The following MAP7 variants were observed in gnomAD, a reference collection of about 807,000 sequenced individuals.
MAP7 encodes microtubule associated protein 7, also known as ensconsin.
MAP7 carries 52 observed loss-of-function variants against 94.8 expected under a neutral mutation model. The observed-to-expected ratio is 0.55, with a 90% CI of 0.44 to 0.69. MAP7 has a LOEUF of 0.69. MAP7 is among the 30% of genes least tolerant of loss of function. MAP7 has a pLI of 0.00. For synonymous variants in MAP7, 350 were observed against 357.0 expected (o/e 0.98, Z 0.22); for missense variants, 940 against 964.6 (o/e 0.97, Z 0.34).
intron 1 of MAP7, among the ~76,000 whole-genome samples, chr6:136,497,265 A>C (rs1583068749): frequency 6.6e-6 from 1 of 152,102 alleles, no homozygotes; most frequent in African/African-American, 2.4e-5. Flanking sequence ...TACAAGATGA[A>C]AAGCTACAGG....
At chr6:136,542,962 T>C (rs1829447786) in intron 1 of MAP7, among the ~76,000 whole-genome samples, 1 of 152,164 alleles carries the variant, frequency 6.6e-6, no homozygotes, top group South Asian at 2.1e-4. Context: ...CTAACGATAC[T>C]AAGTATTAGT....
chr6:136,517,286 A>G (rs1436490154), intron 1 of MAP7, among the ~76,000 whole-genome samples: 2 of 152,196 alleles, frequency 1.3e-5, no homozygotes, highest in Non-Finnish European at 2.9e-5. Context: ...CTAAAACAAC[A>G]CAAGAAAGAA....
intron 1 of MAP7, among the ~76,000 whole-genome samples, chr6:136,422,265 C>A: frequency 6.6e-6 from 1 of 152,140 alleles, no homozygotes; most frequent in East Asian, 1.9e-4. Context: ...AAACATCAAC[C>A]CTAACTGAAT....
At chr6:136,372,757 A>G in intron 7 of MAP7, 132 bp from the exon 8 acceptor site, 5 of 1,125,878 alleles carry the variant, frequency 4.4e-6, no homozygotes, top group Non-Finnish European at 6.5e-6. Context: ...AGAGAAAAGT[A>G]GGAAGAAGAT....
At chr6:136,435,202 C>A (rs1416355006) in intron 1 of MAP7, among the ~76,000 whole-genome samples, 1 of 152,164 alleles carries the variant, frequency 6.6e-6, no homozygotes, top group Non-Finnish European at 1.5e-5. Context: ...GGATAAACTA[C>A]ATGGATACCT....
chr6:136,444,526 C>G (rs948115011), intron 1 of MAP7, among the ~76,000 whole-genome samples: 1 of 152,206 alleles, frequency 6.6e-6, no homozygotes, highest in South Asian at 2.1e-4. Flanking sequence ...TTGATGGGAA[C>G]TGACCATGGA....
At chr6:136,470,102 G>A (rs186011488) in intron 1 of MAP7, among the ~76,000 whole-genome samples, 178 of 152,084 alleles carry the variant, frequency 1.2e-3, no homozygotes, top group Non-Finnish European at 2.3e-3. Context: ...GTCTTGCCCC[G>A]CTAACATGTG....
intron 1 of MAP7, among the ~76,000 whole-genome samples, chr6:136,484,114 C>G (rs1813829498): frequency 6.6e-6 from 1 of 152,168 alleles, no homozygotes; most frequent in Admixed American, 6.5e-5. Context: ...ATTCTTGGCT[C>G]ACGCGAAGCC....
chr6:136,452,412 T>C (rs1378937138), intron 1 of MAP7, among the ~76,000 whole-genome samples: 2 of 152,186 alleles, frequency 1.3e-5, no homozygotes, highest in Non-Finnish European at 2.9e-5. Flanking sequence ...GTACTGTAGG[T>C]AAAAAGCTAT....
chr6:136,462,613 G>A (rs565533606), intron 1 of MAP7, among the ~76,000 whole-genome samples: 7 of 152,040 alleles, frequency 4.6e-5, no homozygotes, highest in South Asian at 2.1e-4. Flanking sequence ...CCATTTAACC[G>A]AATATACTTT....
intron 1 of MAP7, among the ~76,000 whole-genome samples, chr6:136,459,423 A>C (rs1453017622): frequency 6.6e-6 from 1 of 152,124 alleles, no homozygotes; most frequent in East Asian, 1.9e-4. Flanking sequence ...ATCTAAAATA[A>C]CTGTAATCAG....
intron 2 of MAP7, among the ~76,000 whole-genome samples, chr6:136,414,014 C>A (rs1788383475): frequency 1.3e-5 from 2 of 151,882 alleles, no homozygotes; most frequent in Non-Finnish European, 2.9e-5. Flanking sequence ...CTTTGGGAGG[C>A]CGAGGCGGGC....
chr6:136,443,592 A>T (rs939776012), intron 1 of MAP7, among the ~76,000 whole-genome samples: 10 of 151,902 alleles, frequency 6.6e-5, no homozygotes, highest in Non-Finnish European at 1.5e-4. Context: ...CTGGGACTAC[A>T]AGTGCACACC....
chr6:136,477,664 A>G (rs1272971440), intron 1 of MAP7, among the ~76,000 whole-genome samples: 1 of 152,266 alleles, frequency 6.6e-6, no homozygotes, highest in Non-Finnish European at 1.5e-5. Context: ...AGAAATATAA[A>G]GCAAATGTTA....
intron 7 of MAP7, 123 bp from the exon 8 acceptor site, chr6:136,372,748 G>C: frequency 8.2e-7 from 1 of 1,213,808 alleles, no homozygotes; most frequent in Non-Finnish European, 1.2e-6. Flanking sequence ...CAGAGATAGA[G>C]AGAAAAGTAG....
intron 13 of MAP7, 122 bp from the exon 14 acceptor site, chr6:136,360,153 C>CTCTTT: frequency 1.7e-6 from 1 of 600,140 alleles, no homozygotes; most frequent in East Asian, 3.0e-5. Flanking sequence ...ACAATATGCA[C>CTCTTT]TTTTTTTTTT....
chr6:136,496,969 T>C (rs1034020666), intron 1 of MAP7, among the ~76,000 whole-genome samples: 3 of 151,144 alleles, frequency 2.0e-5, no homozygotes, highest in Admixed American at 1.3e-4. Flanking sequence ...AAAAAATAAA[T>C]GAATAAAATA....
intron 1 of MAP7, among the ~76,000 whole-genome samples, chr6:136,461,060 A>G (rs1805040987): frequency 1.3e-5 from 2 of 152,164 alleles, no homozygotes; most frequent in Non-Finnish European, 2.9e-5. Context: ...CTTATTCCTA[A>G]CAGCTCCATT....
At chr6:136,510,982 G>A (rs7748200) in intron 1 of MAP7, among the ~76,000 whole-genome samples, 39,711 of 151,700 alleles carry the variant, frequency 0.26, 6,558 homozygotes, top group African/African-American at 0.46. Flanking sequence ...TCATGATATC[G>A]TAGGTGGTGT....
Sources: allele counts gnomAD v4.1 joint callset (sites outside exome capture counted in the v4.1 genomes callset), GRCh38; gene constraint gnomAD v4.1.1; transcripts MANE v1.5; gene names NCBI Gene and HGNC (gene_info 2026-07-23, HGNC 2026-07-21).